SAP30L: variants seen among roughly 807,000 people sequenced by gnomAD.
SAP30L encodes histone deacetylase complex subunit SAP30L.
A neutral mutation model predicts 22.3 loss-of-function variants in SAP30L; 10 were observed. The observed-to-expected ratio is 0.45, with a 90% CI of 0.28 to 0.76. The LOEUF (loss-of-function observed/expected upper bound fraction) is 0.76. Among genes scored for constraint, SAP30L ranks in the 30% least tolerant of loss-of-function variants. The pLI is 0.14. For missense variants in SAP30L, 206 were observed against 237.9 expected, an observed-to-expected ratio of 0.87 and a Z score of 0.88; for synonymous variants, 91 against 94.1, an observed-to-expected ratio of 0.97 and a Z score of 0.19.
chr5:154,452,764 A>G (rs963901466), intron 2 of SAP30L, among the ~76,000 whole-genome samples: 2 of 141,614 alleles, frequency 1.4e-5, no homozygotes, highest in East Asian at 2.2e-4. Context: ...GTGCTCCTCT[A>G]TCCGGTCGCT....
intron 3 of SAP30L, among the ~76,000 whole-genome samples, chr5:154,454,003 T>G (rs1421838368): frequency 6.6e-6 from 1 of 152,184 alleles, no homozygotes; most frequent in Non-Finnish European, 1.5e-5. Context: ...AATTTTATTT[T>G]TATAGAGATG....
intron 1 of SAP30L, among the ~76,000 whole-genome samples, chr5:154,449,299 T>G (rs1371183789): frequency 6.6e-6 from 1 of 152,022 alleles, no homozygotes; most frequent in Non-Finnish European, 1.5e-5. Context: ...TAAAGGAAAA[T>G]GCTGGAGTAG....
chr5:154,446,566 G>A lies in SAP30L; in HGVS notation c.-39G>A. ...AAGCGCGGCCGCGGAGTGGCCTACC[G>A]GGGACCCTCCCCCAGAGGGACCGGC... On this transcript the variant is annotated 5_prime_UTR_variant, in exon 1 of 4. Coordinates refer to ENST00000297109, the MANE Select transcript of SAP30L (RefSeq NM_024632.6). 7.1e-7 allele frequency: 1 copy of A among 1,402,152 alleles called. No individual in the cohort carries two copies. Among genetic ancestry groups the A allele is most frequent in the Non-Finnish European group, 9.3e-7 (1 of 1,079,342 alleles). The allele number at this position is 1,402,152 out of a possible 1,614,324, so 86.9% of individuals were successfully genotyped here. A position where few individuals can be genotyped will look rare whatever the true frequency, so the allele number is the denominator to read the frequency against.
chr5:154,457,221 A>G lies in SAP30L; in HGVS notation c.*1193A>G, dbSNP rs1757281385. ...ACGTTGAACTCCTCAATCTAATTAT[A>G]TCAGAGCCAAAGTATCCTGTGAAAA... On this transcript the variant is annotated 3_prime_UTR_variant, in exon 4 of 4. Coordinates refer to ENST00000297109, the MANE Select transcript of SAP30L (RefSeq NM_024632.6). The G allele has an allele frequency of 2.0e-5, 3 of 152,246 alleles. No individual in the cohort carries two copies. In the East Asian group the frequency reaches 5.8e-4, roughly 29 times the overall value. The allele number at this position is 152,246 out of a possible 1,614,324, so 9.4% of individuals were successfully genotyped here. A position where few individuals can be genotyped will look rare whatever the true frequency, so the allele number is the denominator to read the frequency against.
In SAP30L at chr5:154,446,431, C is replaced by G. The variant is rs1026282039; in HGVS notation, c.-174C>G. On this transcript the variant is annotated 5_prime_UTR_variant, in exon 1 of 4. Transcript: ENST00000297109. ...GAAGGGGGCTTCCGGAGGCGGAGGG[C>G]CGGGGGCCGAGGGAGCCGGGCCTCT... 4.1e-6 allele frequency: 2 copies of G among 484,486 alleles called. No homozygotes were observed. The highest frequency in any genetic ancestry group is 3.4e-6 in the Non-Finnish European group (1 of 297,372). The allele number at this position is 484,486 out of a possible 1,614,324, so 30.0% of individuals were successfully genotyped here. A position where few individuals can be genotyped will look rare whatever the true frequency, so the allele number is the denominator to read the frequency against.
Position 154,446,742 on chromosome 5 carries a change from C to T in SAP30L, c.138C>T (p.Ser46=), listed in dbSNP as rs1406236770. 6.2e-7 allele frequency: 1 copy of T among 1,608,052 alleles called. No homozygotes were observed. Among genetic ancestry groups the T allele is most frequent in the Non-Finnish European group, 8.5e-7 (1 of 1,178,946 alleles). Residue 46 remains serine, a synonymous_variant, in exon 1 of 4, where the codon TCC becomes TCT. Transcript: ENST00000297109. The part of the protein sequence containing the change: ...ERCVRPAGNA[S]FSKRVQKSIS... ...GCGTCCGGCCCGCGGGCAACGCCTC[C>T]TTCAGCAAGAGGGTCCAGAAGAGCA...
At position 154,446,659 on chromosome 5, in the gene SAP30L, G is replaced by A. The variant is rs201056269; in HGVS notation, c.55G>A (p.Ala19Thr). The change falls in exon 1 of 4, where the codon GCT becomes ACT. Residue 19 changes from alanine to threonine, a missense_variant. Transcript: ENST00000297109. ...DSREGPPAAP[A>T]AAAPGYGQSC... ...CCGCGAAGGGCCCCCCGCCGCCCCA[G>A]CTGCCGCCGCCCCGGGCTACGGCCA... 620 of 1,544,692 alleles carry A rather than the reference G, an allele frequency of 4.0e-4. 1 individual carries two copies. In the African/African-American group the frequency reaches 7.8e-3, roughly 19 times the overall value.
rs905534752 is a variant in SAP30L at position 154,446,275 on chromosome 5, C to A, written c.-330C>A. ...CGGAGTCCTTGGGGAGCGGCTGTTT[C>A]CTGGGACGCCCTCCCGGACACCCCC... On this transcript the variant is annotated 5_prime_UTR_variant, in exon 1 of 4. Transcript: ENST00000297109. The A allele has an allele frequency of 7.9e-6, 2 of 252,608 alleles. No individual in the cohort carries two copies. The highest frequency in any genetic ancestry group is 4.5e-5 in the African/African-American group (2 of 44,878). The allele number at this position is 252,608 out of a possible 1,614,324, so 15.6% of individuals were successfully genotyped here.
In SAP30L at chr5:154,459,521, A is replaced by G. The variant is rs1424685055; in HGVS notation, c.*3493A>G. 5 of 152,252 alleles carry G rather than the reference A, an allele frequency of 3.3e-5. No homozygotes were observed. The highest frequency in any genetic ancestry group is 9.6e-5 in the African/African-American group (4 of 41,460). The allele number at this position is 152,252 out of a possible 1,614,324, so 9.4% of individuals were successfully genotyped here. A position where few individuals can be genotyped will look rare whatever the true frequency, so the allele number is the denominator to read the frequency against. On this transcript the variant is annotated 3_prime_UTR_variant, in exon 4 of 4. Coordinates refer to ENST00000297109, the MANE Select transcript of SAP30L (RefSeq NM_024632.6). ...AGCGTTTGCCTTTTGGAAAGAAACA[A>G]TGCTAGGACATGGACACTTTGGTAC...
At chr5:154,450,610 C>T (rs1409251821) in intron 1 of SAP30L, among the ~76,000 whole-genome samples, 1 of 152,126 alleles carries the variant, frequency 6.6e-6, no homozygotes, top group Non-Finnish European at 1.5e-5. Context: ...TGTTCTCATG[C>T]CCACCCCCCT....
Position 154,460,836 on chromosome 5 carries a change from G to A in SAP30L, c.*4808G>A, listed in dbSNP as rs1757358339. The A allele has an allele frequency of 1.3e-5, 2 of 152,128 alleles. No individual in the cohort carries two copies. The highest frequency in any genetic ancestry group is 2.4e-5 in the African/African-American group (1 of 41,382). The allele number at this position is 152,128 out of a possible 1,614,324, so 9.4% of individuals were successfully genotyped here. On this transcript the variant is annotated 3_prime_UTR_variant, in exon 4 of 4. Transcript: ENST00000297109. ...TTGTAACTGCCTTATTGAAAAGTAA[G>A]TGCCCTTCCATTCCAGGCCTCCTCA...
At position 154,453,397 on chromosome 5, in the gene SAP30L, C is replaced by T; in HGVS notation, c.325-5C>T. On this transcript the variant is annotated splice_region_variant and splice_polypyrimidine_tract_variant and intron_variant, in intron 2 of 3. Transcript: ENST00000297109. ...TGGATAACATTTTTCTCCTCTTCTC[C>T]CTAGGTTGATCTGTTCCAGCTGCAG... 1 of 1,611,296 alleles carries T rather than the reference C, an allele frequency of 6.2e-7. No homozygotes were observed. The highest frequency in any genetic ancestry group is 1.1e-5 in the South Asian group (1 of 90,998).
intron 3 of SAP30L, 48 bp downstream of exon 3, chr5:154,453,548 T>C (rs370100412): frequency 8.1e-7 from 1 of 1,228,820 alleles, no homozygotes; most frequent in African/African-American, 1.5e-5. Context: ...TTGTGCTGCT[T>C]CTGATGGTTA....
Position 154,446,027 on chromosome 5 carries a change from G to T in SAP30L, c.-578G>T. Reference sequence around the variant, plus strand: ...GCGGAGCGTTCGGCGGGCGGCGGCCGGGCGGCCCAGGGGCTGCCGCGGGAC... The same window carrying T: ...GCGGAGCGTTCGGCGGGCGGCGGCCTGGCGGCCCAGGGGCTGCCGCGGGAC... On this transcript the variant is annotated 5_prime_UTR_variant, in exon 1 of 4. Transcript: ENST00000297109. 1 of 152,942 alleles carries T rather than the reference G, an allele frequency of 6.5e-6. No homozygotes were observed. The highest frequency in any genetic ancestry group is 1.5e-5 in the Non-Finnish European group (1 of 68,776). The allele number at this position is 152,942 out of a possible 1,614,324, so 9.5% of individuals were successfully genotyped here.
At position 154,457,984 on chromosome 5, in the gene SAP30L, T is replaced by C. The variant is rs878931090; in HGVS notation, c.*1956T>C. On this transcript the variant is annotated 3_prime_UTR_variant, in exon 4 of 4. Transcript: ENST00000297109. ...TATCTTAATGAGTAAAAAAGTGTAT[T>C]TTTCTGATACGTAAACCAGAATTGT... 1 of 152,228 alleles carries C rather than the reference T, an allele frequency of 6.6e-6. No homozygotes were observed. Among genetic ancestry groups the C allele is most frequent in the South Asian group, 2.1e-4 (1 of 4,830 alleles). 9.4% of individuals were successfully genotyped at this position (152,228 alleles called of 1,614,324 possible). A position where few individuals can be genotyped will look rare whatever the true frequency, so the allele number is the denominator to read the frequency against.
rs1404442525 is a variant in SAP30L, at chr5:154,459,582, C to G, written c.*3554C>G. On this transcript the variant is annotated 3_prime_UTR_variant, in exon 4 of 4. Coordinates refer to ENST00000297109, the MANE Select transcript of SAP30L (RefSeq NM_024632.6). ...CCCCTGAGTATTAGTCCACTCAGTT[C>G]CTTGTTGGAGAATGTTGAGAAAACC... 2.6e-5 allele frequency: 4 copies of G among 152,356 alleles called. No homozygotes were observed. In the South Asian group the frequency reaches 8.3e-4, roughly 32 times the overall value. 9.4% of individuals were successfully genotyped at this position (152,356 alleles called of 1,614,324 possible).
chr5:154,448,682 C>T (rs1757076521), intron 1 of SAP30L, among the ~76,000 whole-genome samples: 1 of 152,214 alleles, frequency 6.6e-6, no homozygotes, highest in Non-Finnish European at 1.5e-5. Context: ...GCAACTGGGA[C>T]TCCTTTTATT....
At chr5:154,448,551 G>C (rs775780989) in intron 1 of SAP30L, among the ~76,000 whole-genome samples, 1 of 152,196 alleles carries the variant, frequency 6.6e-6, no homozygotes, top group African/African-American at 2.4e-5. Flanking sequence ...CCTACCTTCC[G>C]TGTAGGTTGT....
At chr5:154,455,432 C>T (rs1242098060) in intron 3 of SAP30L, among the ~76,000 whole-genome samples, 2 of 152,170 alleles carry the variant, frequency 1.3e-5, no homozygotes, top group African/African-American at 4.8e-5. Flanking sequence ...TGGTCTCGAA[C>T]TCCTGGCCTC....
Sources: allele counts gnomAD v4.1 joint callset (sites outside exome capture counted in the v4.1 genomes callset), GRCh38; gene constraint gnomAD v4.1.1; transcripts MANE v1.5; gene names NCBI Gene and HGNC (gene_info 2026-07-23, HGNC 2026-07-21).